Variants in MDM2 observed in about 807,000 individuals in gnomAD.
The protein encoded by MDM2 is MDM2 proto-oncogene.
In MDM2, 11 loss-of-function variants were observed where a neutral mutation model predicts 64.3. The ratio of observed to expected loss-of-function variants is 0.17; its 90% CI spans 0.11 to 0.28. The LOEUF is 0.28. MDM2 is among the 10% of genes least tolerant of loss of function. The pLI is 1.00. For synonymous variants in MDM2, 194 were observed against 192.9 expected (o/e 1.01, Z -0.05); for missense variants, 388 against 577.1 (o/e 0.67, Z 3.36).
intron 2 of MDM2, among the ~76,000 whole-genome samples, chr12:68,811,685 A>T (rs1319665729): frequency 6.7e-6 from 1 of 149,020 alleles, no homozygotes; most frequent in Non-Finnish European, 1.5e-5. Context: ...GCTCACTGCA[A>T]CCTCTGCTTC....
rs116933203 is a variant in MDM2 at position 68,841,112 on chromosome 12, C to T, written c.*1263C>T. 3,945 of 189,392 alleles carry T rather than the reference C, an allele frequency of 0.021. 72 individuals are homozygous for T. Among genetic ancestry groups the T allele is most frequent in the Middle Eastern group, 0.047 (25 of 528 alleles). 11.7% of individuals were successfully genotyped at this position (189,392 alleles called of 1,614,324 possible). On this transcript the variant is annotated 3_prime_UTR_variant, in exon 11 of 11. Coordinates refer to ENST00000258149, the MANE Select transcript of MDM2 (RefSeq NM_002392.6). ...CTACTCACCTCAGCCTCCCAAAATGCTGGGATTACAGATGTGAGGCACCTG... is the reference window on the plus strand; with the variant it reads ...CTACTCACCTCAGCCTCCCAAAATGTTGGGATTACAGATGTGAGGCACCTG...
At chr12:68,832,910 A>C (rs1013024631) in intron 8 of MDM2, among the ~76,000 whole-genome samples, 1 of 151,092 alleles carries the variant, frequency 6.6e-6, no homozygotes, top group East Asian at 1.9e-4. Flanking sequence ...GCGGATCACA[A>C]GGTCAGGAGA....
Position 68,837,180 on chromosome 12 carries a change from C to T in MDM2, c.918+431C>T, listed in dbSNP as rs1883381032. Among the ~76,000 whole-genome samples, 4 of 151,938 alleles carry T rather than the reference C, an allele frequency of 2.6e-5. No individual in the cohort carries two copies. In the South Asian group the frequency reaches 6.2e-4, roughly 24 times the overall value. The stretch of plus-strand genomic sequence containing the variant: ...TGTTGGCCAGGCTGGTCATGAACTC[C>T]TGACCTCAAGTGATCTGCCCACCTT... On this transcript the variant is annotated intron_variant, in intron 10 of 10. Transcript: ENST00000258149.
chr12:68,809,441 GGA>G (rs1363308777), intron 2 of MDM2, 149 bp downstream of exon 2: 1 of 731,554 alleles, frequency 1.4e-6, no homozygotes, highest in Non-Finnish European at 2.3e-6. Context: ...GTAACTGCGT[GGA>G]GTTAAAAACT....
chr12:68,835,944 T>G lies in MDM2; in HGVS notation c.800T>G (p.Leu267Arg). 6.2e-7 allele frequency: 1 copy of G among 1,611,188 alleles called. No individual in the cohort carries two copies. The highest frequency in any genetic ancestry group is 8.5e-7 in the Non-Finnish European group (1 of 1,178,288). Residue 267 changes from leucine to arginine, a missense_variant, in exon 9 of 11, where the codon CTT (leucine) becomes CGT (arginine). Leu to Arg is a moderately radical substitution (Grantham distance 102, BLOSUM62 -2). This residue lies in a region of MDM2 where 168 missense variants were observed against 236.6 expected (regional missense o/e 0.71). Coordinates refer to ENST00000258149, the MANE Select transcript of MDM2 (RefSeq NM_002392.6). ...TCTCTCGACTCAGAAGATTATAGCC[T>G]TAGTGAAGAAGGACAAGAACTCTCA... ...VESLDSEDYS[L>R]SEEGQELSDE...
intron 3 of MDM2, among the ~76,000 whole-genome samples, chr12:68,814,987 G>A (rs1241116392): frequency 1.3e-5 from 2 of 152,130 alleles, no homozygotes; most frequent in African/African-American, 4.8e-5. Flanking sequence ...AGGATGTTTG[G>A]TAGAATAAAT....
At chr12:68,809,886 T>C (rs544978326) in intron 2 of MDM2, among the ~76,000 whole-genome samples, 22 of 152,362 alleles carry the variant, frequency 1.4e-4, no homozygotes, top group African/African-American at 5.3e-4. Context: ...TTCCACAGCA[T>C]GAGTATACCA....
intron 7 of MDM2, among the ~76,000 whole-genome samples, chr12:68,827,540 T>C (rs1882442735): frequency 6.6e-6 from 1 of 152,228 alleles, no homozygotes; most frequent in African/African-American, 2.4e-5. Flanking sequence ...TTTTATTTTG[T>C]CATGTAAACC....
intron 9 of MDM2, 45 bp from the exon 10 acceptor site, chr12:68,836,627 A>AG (rs1325465207): frequency 7.3e-7 from 1 of 1,367,576 alleles, no homozygotes; most frequent in South Asian, 1.2e-5. Flanking sequence ...TTCTGATTGA[A>AG]GGAAATAGGG....
intron 7 of MDM2, among the ~76,000 whole-genome samples, chr12:68,826,456 C>A (rs1882326784): frequency 6.6e-6 from 1 of 151,802 alleles, no homozygotes; most frequent in East Asian, 1.9e-4. Flanking sequence ...CGAGACCAAC[C>A]TGGCCAACAT....
intron 8 of MDM2, among the ~76,000 whole-genome samples, chr12:68,830,010 G>A (rs1297536252): frequency 6.6e-6 from 1 of 152,074 alleles, no homozygotes; most frequent in Non-Finnish European, 1.5e-5. Context: ...TGCCAGGATG[G>A]CTTTGAATGT....
At chr12:68,837,942 AAAAT>A (rs1191629363) in intron 10 of MDM2, among the ~76,000 whole-genome samples, 5 of 152,208 alleles carry the variant, frequency 3.3e-5, no homozygotes, top group South Asian at 2.1e-4. Context: ...ACTGTATTAG[AAAAT>A]AAATAACTAA....
chr12:68,810,668 A>T (rs1306786578), intron 2 of MDM2, among the ~76,000 whole-genome samples: 1 of 151,778 alleles, frequency 6.6e-6, no homozygotes, highest in Non-Finnish European at 1.5e-5. Flanking sequence ...TCACCATGTT[A>T]GCCAGGATGA....
chr12:68,816,443 G>A (rs1204770820), intron 3 of MDM2, among the ~76,000 whole-genome samples: 1 of 128,392 alleles, frequency 7.8e-6, no homozygotes, highest in Non-Finnish European at 1.5e-5. Flanking sequence ...CGCAATCTCG[G>A]CTCACTGCAG....
intron 4 of MDM2, among the ~76,000 whole-genome samples, chr12:68,819,047 C>T (rs1565735928): frequency 6.6e-6 from 1 of 151,936 alleles, no homozygotes; most frequent in Non-Finnish European, 1.5e-5. Context: ...ATTGAATCTT[C>T]GGATAATGTT....
At chr12:68,829,765 CA>C (rs10658881) in intron 8 of MDM2, among the ~76,000 whole-genome samples, 41,511 of 104,658 alleles carry the variant, frequency 0.4, 6,076 homozygotes, top group Non-Finnish European at 0.48. Flanking sequence ...GACTCCATCT[CA>C]AAAAAAAAAA....
intron 10 of MDM2, 101 bp downstream of exon 10, chr12:68,836,850 G>T: frequency 1.4e-6 from 1 of 691,228 alleles, no homozygotes; most frequent in Non-Finnish European, 2.4e-6. Flanking sequence ...TTTTTATAAA[G>T]TTAAAATGTT....
intron 7 of MDM2, among the ~76,000 whole-genome samples, chr12:68,826,226 T>C (rs151336624): frequency 6.6e-6 from 1 of 152,186 alleles, no homozygotes; most frequent in Admixed American, 6.5e-5. Context: ...ATCTATCAAA[T>C]TAGTAAAAAT....
rs1327820808 is a variant in MDM2, at chr12:68,841,553, T to C, written c.*1704T>C. On this transcript the variant is annotated 3_prime_UTR_variant, in exon 11 of 11. Transcript: ENST00000258149. The stretch of plus-strand genomic sequence containing the variant: ...AACCTAGATTACATCAGGCCCTTTT[T>C]CACACACAAAAAAATCCTTTATGGG... 3.8e-5 allele frequency: 8 copies of C among 209,034 alleles called. No homozygotes were observed. The allele number at this position is 209,034 out of a possible 1,614,324, so 12.9% of individuals were successfully genotyped here.
Sources: gnomAD v4.1 joint callset for allele counts (sites outside exome capture counted in the v4.1 genomes callset) on GRCh38, gnomAD v4.1.1 for gene constraint, gnomAD v4.1.1 regional missense constraint, MANE v1.5 for transcripts, NCBI Gene and HGNC (gene_info 2026-07-23, HGNC 2026-07-21) for gene names.